NSD1: variants seen among roughly 807,000 people sequenced by gnomAD.
The protein encoded by NSD1 is nuclear receptor binding SET domain protein 1, also known as histone-lysine N-methyltransferase, H3 lysine-36 specific.
Under a neutral mutation model 242.7 loss-of-function variants are expected in NSD1, and 26 were observed. That is an observed-to-expected ratio of 0.11 (90% CI 0.08 to 0.15). The LOEUF is 0.15. Among genes scored for constraint, NSD1 ranks in the 10% least tolerant of loss-of-function variants. The probability of loss-of-function intolerance (pLI) is 1.00; values close to 1 mark genes in which losing one functional copy is unlikely to be tolerated. For missense variants in NSD1, 2,495 were observed against 3,272.8 expected (o/e 0.76, Z 5.80); for synonymous variants, 1,106 against 1,178.1 (o/e 0.94, Z 1.25).
intron 2 of NSD1, among the ~76,000 whole-genome samples, chr5:177,159,400 A>T (rs1315683852): frequency 6.6e-6 from 1 of 150,838 alleles, no homozygotes; most frequent in Non-Finnish European, 1.5e-5. Flanking sequence ...CCGGTGCCTC[A>T]GCTTCCCAAG....
At chr5:177,182,928 G>A (rs1434423914) in intron 2 of NSD1, among the ~76,000 whole-genome samples, 2 of 152,084 alleles carry the variant, frequency 1.3e-5, no homozygotes, top group Admixed American at 6.6e-5. Flanking sequence ...GTGAGCCACC[G>A]TGCCTGGCCT....
chr5:177,242,650 C>G (rs910958702), intron 8 of NSD1, among the ~76,000 whole-genome samples: 2 of 152,036 alleles, frequency 1.3e-5, no homozygotes, highest in African/African-American at 2.4e-5. Flanking sequence ...ACCCCAGCCT[C>G]CGAAGTAGCT....
intron 14 of NSD1, among the ~76,000 whole-genome samples, chr5:177,261,527 T>C (rs976742501): frequency 3.3e-5 from 5 of 152,164 alleles, no homozygotes; most frequent in African/African-American, 1.2e-4. Context: ...GTATGTTAAT[T>C]GTAGTACCTA....
intron 14 of NSD1, chr5:177,265,539 C>T: frequency 1.2e-6 from 1 of 841,266 alleles, no homozygotes; most frequent in East Asian, 2.5e-5. Context: ...TGCTCAGCCC[C>T]TGGGCCCGTG....
intron 21 of NSD1, among the ~76,000 whole-genome samples, chr5:177,289,413 G>A (rs1159267368): frequency 6.6e-6 from 1 of 152,124 alleles, no homozygotes; most frequent in African/African-American, 2.4e-5. Flanking sequence ...TATATAAGAG[G>A]TTTTTGGGGA....
At chr5:177,270,707 A>G (rs1484876200) in intron 16 of NSD1, among the ~76,000 whole-genome samples, 4 of 152,208 alleles carry the variant, frequency 2.6e-5, no homozygotes, top group African/African-American at 4.8e-5. Context: ...ATGAAAAGGG[A>G]TTCTAAGCAA....
At chr5:177,160,394 A>G (rs1158172613) in intron 2 of NSD1, among the ~76,000 whole-genome samples, 2 of 151,656 alleles carry the variant, frequency 1.3e-5, no homozygotes, top group African/African-American at 4.9e-5. Context: ...TCCACCTCCC[A>G]GGTTCAAGAG....
intron 20 of NSD1, chr5:177,288,550 A>G: frequency 2.5e-6 from 1 of 392,772 alleles, no homozygotes; most frequent in Non-Finnish European, 4.7e-6. Flanking sequence ...AATGGTTAAT[A>G]AACAAATGAA....
chr5:177,245,419 G>A (rs1766201100), intron 9 of NSD1, among the ~76,000 whole-genome samples: 1 of 151,962 alleles, frequency 6.6e-6, no homozygotes, highest in Non-Finnish European at 1.5e-5. Flanking sequence ...GTTAGGCTGC[G>A]AGCAGTTTTG....
At chr5:177,225,376 CAA>C (rs1562230703) in intron 5 of NSD1, among the ~76,000 whole-genome samples, 1 of 152,118 alleles carries the variant, frequency 6.6e-6, no homozygotes. Flanking sequence ...CTCCTGATCT[CAA>C]GTAATCTGCC....
chr5:177,150,614 C>T (rs1425131069), intron 2 of NSD1, among the ~76,000 whole-genome samples: 1 of 149,728 alleles, frequency 6.7e-6, no homozygotes, highest in Non-Finnish European at 1.5e-5. Flanking sequence ...CCATAATGCT[C>T]TTCTAGCAAT....
At chr5:177,179,744 G>C (rs1405599378) in intron 2 of NSD1, among the ~76,000 whole-genome samples, 1 of 152,150 alleles carries the variant, frequency 6.6e-6, no homozygotes, top group Admixed American at 6.6e-5. Context: ...GAGAAGTCCA[G>C]AGGAATTGAT....
intron 14 of NSD1, chr5:177,265,488 GGA>G (rs761182914): frequency 1.4e-4 from 91 of 642,842 alleles, no homozygotes; most frequent in Non-Finnish European, 2.0e-4. Context: ...GGGGAGGGAG[GGA>G]GAGAGAGAGG....
intron 15 of NSD1, 89 bp downstream of exon 15, chr5:177,267,807 C>G (rs1264354190): frequency 2.3e-6 from 3 of 1,309,584 alleles, no homozygotes; most frequent in Admixed American, 1.7e-5. Context: ...TTCTAATGAT[C>G]TACTTAATTA....
At position 177,295,618 on chromosome 5, in the gene NSD1, A is replaced by G. The variant is rs1221684953; in HGVS notation, c.*159A>G. ...TATCCCAACACTCAGAACTCTTGTG[A>G]CATTAGCCAGTGGGGGCTTATGGTT... On this transcript the variant is annotated 3_prime_UTR_variant, in exon 23 of 23. Coordinates refer to ENST00000439151, the MANE Select transcript of NSD1 (RefSeq NM_022455.5). This position sits in a 1 kb window ranked among gnomAD's most constrained non-coding sequence, Gnocchi z 4.3. 3 of 825,222 alleles carry G rather than the reference A, an allele frequency of 3.6e-6. No individual in the cohort carries two copies. The highest frequency in any genetic ancestry group is 6.0e-6 in the Non-Finnish European group (3 of 502,002). 51.1% of individuals were successfully genotyped at this position (825,222 alleles called of 1,614,324 possible). A position where few individuals can be genotyped will look rare whatever the true frequency, so the allele number is the denominator to read the frequency against.
chr5:177,273,074 G>A lies in NSD1; in HGVS notation c.5510-598G>A, dbSNP rs150229175. The stretch of plus-strand genomic sequence containing the variant: ...GGCACCTAAGATGTAGCATGTTTCC[G>A]AAAGTGGGAGGTTTAGGACTGAGGC... On this transcript the variant is annotated intron_variant, in intron 16 of 22. Coordinates refer to ENST00000439151, the MANE Select transcript of NSD1 (RefSeq NM_022455.5). Among the ~76,000 whole-genome samples, 59 of 152,264 alleles carry A rather than the reference G, an allele frequency of 3.9e-4. 1 individual carries two copies. Among genetic ancestry groups the A allele is most frequent in the African/African-American group, 1.3e-3 (52 of 41,564 alleles).
At position 177,269,598 on chromosome 5, in the gene NSD1, C is replaced by A. The variant is rs1381524417; in HGVS notation, c.5304-4C>A. 6.2e-7 allele frequency: 1 copy of A among 1,613,992 alleles called. No homozygotes were observed. Among genetic ancestry groups the A allele is most frequent in the African/African-American group, 1.3e-5 (1 of 75,018 alleles). On this transcript the variant is annotated splice_polypyrimidine_tract_variant and splice_region_variant and intron_variant, in intron 15 of 22. Coordinates refer to ENST00000439151, the MANE Select transcript of NSD1 (RefSeq NM_022455.5). This position sits in a 1 kb window ranked among gnomAD's most constrained non-coding sequence, Gnocchi z 5.1. ...GTTTTCCTTCTCCTTTTCACCTTTC[C>A]CAGGTGGTGGCCAGCTGAGATCTGC... is the stretch of plus-strand genomic sequence containing the variant.
chr5:177,199,035 A>G (rs1331028225), intron 3 of NSD1, among the ~76,000 whole-genome samples: 1 of 152,242 alleles, frequency 6.6e-6, no homozygotes, highest in Non-Finnish European at 1.5e-5. Flanking sequence ...TTTCGACCTT[A>G]CAATGGTGCG....
chr5:177,216,678 T>TG (rs949076511), intron 5 of NSD1, among the ~76,000 whole-genome samples: 2 of 151,338 alleles, frequency 1.3e-5, no homozygotes, highest in African/African-American at 4.8e-5. Context: ...CTGTTTTTTT[T>TG]TTTTTTTTTT....
Sources: allele counts gnomAD v4.1 joint callset (sites outside exome capture counted in the v4.1 genomes callset), GRCh38; gene constraint gnomAD v4.1.1; non-coding constraint Gnocchi (gnomAD v3.1); transcripts MANE v1.5; gene names NCBI Gene and HGNC (gene_info 2026-07-23, HGNC 2026-07-21).